Variants in GLIS1 observed in about 807,000 individuals in gnomAD.
The protein encoded by GLIS1 is zinc finger protein GLIS1.
A neutral mutation model predicts 63.8 loss-of-function variants in GLIS1; 24 were observed. The ratio of observed to expected loss-of-function variants is 0.38; its 90% CI spans 0.27 to 0.53. The LOEUF is 0.53. Ranked by LOEUF, GLIS1 falls within the 20% of genes least tolerant of loss-of-function variation. The pLI is 0.85. For synonymous variants in GLIS1, 450 were observed against 482.5 expected (o/e 0.93, Z 0.88); for missense variants, 1,036 against 1,074.1 (o/e 0.96, Z 0.50).
chr1:53,706,572 C>T (rs550073468), intron 2 of GLIS1, among the ~76,000 whole-genome samples: 3 of 152,192 alleles, frequency 2.0e-5, no homozygotes, highest in Non-Finnish European at 4.4e-5. Flanking sequence ...CCTTCAAGGC[C>T]CCACCAGGGA....
At chr1:53,605,043 G>A (rs969861910) in intron 2 of GLIS1, among the ~76,000 whole-genome samples, 1 of 15,174 alleles carries the variant, frequency 6.6e-5, no homozygotes, top group African/African-American at 7.2e-5. Flanking sequence ...GCTGTTAATC[G>A]CCAACCCCCG....
intron 4 of GLIS1, among the ~76,000 whole-genome samples, chr1:53,568,959 G>A (rs991773584): frequency 3.3e-5 from 5 of 152,168 alleles, no homozygotes; most frequent in Non-Finnish European, 4.4e-5. Context: ...CTAGACAATG[G>A]AATATTATTC....
intron 2 of GLIS1, among the ~76,000 whole-genome samples, chr1:53,698,249 C>CA (rs1265713067): frequency 6.6e-6 from 1 of 152,202 alleles, no homozygotes; most frequent in Non-Finnish European, 1.5e-5. Flanking sequence ...CAACAGGCAA[C>CA]ATCCCCTCGG....
At chr1:53,627,208 G>T (rs900764406) in intron 2 of GLIS1, among the ~76,000 whole-genome samples, 1 of 152,214 alleles carries the variant, frequency 6.6e-6, no homozygotes, top group African/African-American at 2.4e-5. Context: ...GTCCTGGGAG[G>T]GGGAGGTGTG....
intron 2 of GLIS1, among the ~76,000 whole-genome samples, chr1:53,619,934 T>C (rs906422720): frequency 1.3e-5 from 2 of 152,228 alleles, no homozygotes; most frequent in African/African-American, 4.8e-5. Context: ...CAGGCAGTCA[T>C]TGCAGAGCGC....
At chr1:53,656,374 G>A (rs1188160549) in intron 2 of GLIS1, among the ~76,000 whole-genome samples, 1 of 152,184 alleles carries the variant, frequency 6.6e-6, no homozygotes, top group African/African-American at 2.4e-5. Flanking sequence ...ATCAGCCGGG[G>A]AGGCTGCATT....
chr1:53,723,181 TTAA>T (rs1348399697), intron 2 of GLIS1, among the ~76,000 whole-genome samples: 1 of 151,916 alleles, frequency 6.6e-6, no homozygotes, highest in Non-Finnish European at 1.5e-5. Context: ...ACAAAGAATG[TTAA>T]TAACATAAAA....
intron 4 of GLIS1, among the ~76,000 whole-genome samples, chr1:53,535,320 G>A (rs1481555969): frequency 6.6e-6 from 1 of 152,072 alleles, no homozygotes; most frequent in Admixed American, 6.5e-5. Flanking sequence ...AGGTCACGCA[G>A]GGCTGATGCC....
intron 4 of GLIS1, among the ~76,000 whole-genome samples, chr1:53,533,786 C>A (rs931584976): frequency 6.6e-6 from 1 of 151,162 alleles, no homozygotes; most frequent in Admixed American, 6.6e-5. Flanking sequence ...TCCTAGTCAA[C>A]AACTGCACAG....
chr1:53,738,773 A>C (rs755498717), intron 1 of GLIS1, among the ~76,000 whole-genome samples: 3 of 152,150 alleles, frequency 2.0e-5, no homozygotes, highest in South Asian at 2.1e-4. Context: ...GCAAACCGGC[A>C]CAGTGGGCAA....
At position 53,506,329 on chromosome 1, in the gene GLIS1, A is replaced by G; in HGVS notation, c.*290T>C. The stretch of plus-strand genomic sequence containing the variant: ...AACAAGTTCTGCATATTTTATATAC[A>G]CGAGGTCTGTGATTTCAAAACCACT... On this transcript the variant is annotated 3_prime_UTR_variant, in exon 11 of 11. Coordinates refer to ENST00000628545, the MANE Select transcript of GLIS1 (RefSeq NM_001367484.1). 2.3e-6 allele frequency: 1 copy of G among 434,548 alleles called. No individual in the cohort carries two copies. The highest frequency in any genetic ancestry group is 4.1e-6 in the Non-Finnish European group (1 of 243,198). The allele number at this position is 434,548 out of a possible 1,614,324, so 26.9% of individuals were successfully genotyped here.
At chr1:53,512,430 C>T (rs1419278342) in intron 8 of GLIS1, among the ~76,000 whole-genome samples, 1 of 152,192 alleles carries the variant, frequency 6.6e-6, no homozygotes, top group African/African-American at 2.4e-5. Context: ...GTCATGAAGT[C>T]AGGCCCTCTT....
Position 53,594,683 on chromosome 1 carries a change from AG to A in GLIS1, c.744del (p.Ser249ProfsTer28). The stretch of plus-strand genomic sequence containing the variant: ...GCACAGGGTGAGGAGGAGGCTGGGG[AG>A]GTGGGGGGTAGGCCCAAGACGCAGC... Reference protein sequence around the residue: ...KRCCVLGLPPTSPASSSPCAS... With the variant: ...KRCCVLGLPPXSPASSSPCAS... On this transcript the variant is annotated frameshift_variant, in exon 4 of 11. Coordinates refer to ENST00000628545, the MANE Select transcript of GLIS1 (RefSeq NM_001367484.1). LOFTEE classifies it high-confidence loss of function. 4.0e-6 allele frequency: 6 copies of A among 1,501,466 alleles called. No homozygotes were observed. Among genetic ancestry groups the A allele is most frequent in the Non-Finnish European group, 4.5e-6 (5 of 1,107,866 alleles). 93.0% of individuals were successfully genotyped at this position (1,501,466 alleles called of 1,614,324 possible).
Position 53,646,677 on chromosome 1 carries a change from G to A in GLIS1, c.260-46399C>T, listed in dbSNP as rs960616668. Among the ~76,000 whole-genome samples the A allele has an allele frequency of 6.6e-6, 1 of 152,106 alleles. No individual in the cohort carries two copies. Among genetic ancestry groups the A allele is most frequent in the Admixed American group, 6.6e-5 (1 of 15,250 alleles). ...ATACAAAACTTAGCCAGGTGTGGTG[G>A]CGCACATCTGTGGTCCCAGCTACTT... On this transcript the variant is annotated intron_variant, in intron 2 of 10. Transcript: ENST00000628545. The surrounding 1 kb of genome is among the most constrained non-coding windows in gnomAD (Gnocchi z 4.2).
chr1:53,525,521 T>A (rs1332459500), intron 5 of GLIS1, among the ~76,000 whole-genome samples: 1 of 89,108 alleles, frequency 1.1e-5, no homozygotes, highest in Non-Finnish European at 2.4e-5. Flanking sequence ...GCATGGGGAG[T>A]GGACAAGTCT....
In GLIS1 at chr1:53,560,593, C is replaced by T. The variant is rs2100437374; in HGVS notation, c.1321-30641G>A. Among the ~76,000 whole-genome samples the T allele has an allele frequency of 6.6e-6, 1 of 152,328 alleles. No individual in the cohort carries two copies. Among genetic ancestry groups the T allele is most frequent in the Middle Eastern group, 3.4e-3 (1 of 294 alleles). On this transcript the variant is annotated intron_variant, in intron 4 of 10. Transcript: ENST00000628545. This position sits in a 1 kb window ranked among gnomAD's most constrained non-coding sequence, Gnocchi z 4.4. ...CTATAGGTGAGACTGAAGACAGGCC[C>T]CTATTTGGCTGGTGGACCCCAGGTC... is the stretch of plus-strand genomic sequence containing the variant.
intron 2 of GLIS1, among the ~76,000 whole-genome samples, chr1:53,732,412 T>C (rs1335070234): frequency 6.6e-6 from 1 of 152,174 alleles, no homozygotes. Context: ...TCTTTTCTGC[T>C]TTCCTTACTC....
At chr1:53,573,359 G>T (rs1645001793) in intron 4 of GLIS1, among the ~76,000 whole-genome samples, 1 of 151,992 alleles carries the variant, frequency 6.6e-6, no homozygotes, top group African/African-American at 2.4e-5. Context: ...GGCGGTGGGG[G>T]GAGACCCTCC....
intron 2 of GLIS1, among the ~76,000 whole-genome samples, chr1:53,713,191 T>C (rs1224012014): frequency 2.3e-4 from 33 of 140,760 alleles, no homozygotes; most frequent in Non-Finnish European, 3.0e-4. Flanking sequence ...TGGTGAGACC[T>C]CATCTCTTCA....
Sources: allele counts gnomAD v4.1 joint callset (sites outside exome capture counted in the v4.1 genomes callset), GRCh38; gene constraint gnomAD v4.1.1; non-coding constraint Gnocchi (gnomAD v3.1); transcripts MANE v1.5; gene names NCBI Gene and HGNC (gene_info 2026-07-23, HGNC 2026-07-21).